Variants in THSD7B observed in about 807,000 individuals in gnomAD.
The protein encoded by THSD7B is thrombospondin type-1 domain-containing protein 7B.
A neutral mutation model predicts 213.6 loss-of-function variants in THSD7B; 138 were observed. The ratio of observed to expected loss-of-function variants is 0.65; its 90% CI spans 0.56 to 0.74. The LOEUF (loss-of-function observed/expected upper bound fraction) is 0.74. THSD7B is among the 30% of genes least tolerant of loss of function. The pLI, the probability that THSD7B is intolerant of heterozygous loss-of-function variation, is 0.00. For synonymous variants in THSD7B, 742 were observed against 687.0 expected (o/e 1.08, Z -1.25); for missense variants, 1,931 against 1,991.5 (o/e 0.97, Z 0.58).
intron 3 of THSD7B, among the ~76,000 whole-genome samples, chr2:137,077,729 T>A (rs1687660719): frequency 6.7e-6 from 1 of 150,356 alleles, no homozygotes; most frequent in Admixed American, 6.6e-5. Context: ...ATATTAGCCC[T>A]TTGTCAGATG....
At chr2:137,655,688 C>A in intron 22 of THSD7B, 28 bp downstream of exon 22, 9 of 1,600,378 alleles carry the variant, frequency 5.6e-6, no homozygotes, top group Non-Finnish European at 7.7e-6. Flanking sequence ...TTGGGAGCGC[C>A]TCCCATGGTG....
Position 137,455,369 on chromosome 2 carries a change from G to T in THSD7B, c.3138+4346G>T, listed in dbSNP as rs141724069. 7.9e-5 allele frequency among the ~76,000 whole-genome samples: 12 copies of T among 152,222 alleles called. No homozygotes were observed. In the East Asian group the frequency reaches 2.3e-3, roughly 29 times the overall value. The stretch of plus-strand genomic sequence containing the variant: ...AGATCAGAATCCCCAAATTATCATT[G>T]CCCAAAAAGTCTTTACAATTTTCCT... On this transcript the variant is annotated intron_variant, in intron 15 of 27. Coordinates refer to ENST00000409968, the MANE Select transcript of THSD7B (RefSeq NM_001316349.2).
intron 17 of THSD7B, among the ~76,000 whole-genome samples, chr2:137,579,788 T>G (rs1476934891): frequency 6.6e-6 from 1 of 152,206 alleles, no homozygotes; most frequent in African/African-American, 2.4e-5. Context: ...ATAAGTTTTC[T>G]AGCTTCTTAA....
At chr2:137,379,080 G>A (rs889474913) in intron 12 of THSD7B, among the ~76,000 whole-genome samples, 19 of 152,134 alleles carry the variant, frequency 1.2e-4, no homozygotes, top group African/African-American at 3.9e-4. Context: ...CTCAACAAAC[G>A]CCTTGGAATA....
intron 1 of THSD7B, among the ~76,000 whole-genome samples, chr2:136,845,961 G>A (rs1000283862): frequency 2.6e-5 from 4 of 152,174 alleles, no homozygotes; most frequent in Admixed American, 1.3e-4. Context: ...TGGCCATGGT[G>A]TGGATGGACT....
At chr2:137,588,662 T>A (rs1056085594) in intron 17 of THSD7B, among the ~76,000 whole-genome samples, 2 of 152,066 alleles carry the variant, frequency 1.3e-5, no homozygotes, top group Non-Finnish European at 2.9e-5. Context: ...GTATCTGTGA[T>A]TACCATCTTT....
At chr2:136,902,054 C>T (rs1684072298) in intron 2 of THSD7B, among the ~76,000 whole-genome samples, 1 of 152,088 alleles carries the variant, frequency 6.6e-6, no homozygotes, top group Non-Finnish European at 1.5e-5. Context: ...CTGGGCTGGC[C>T]CAGAAGTAGT....
At chr2:137,550,636 A>T (rs896586755) in intron 15 of THSD7B, among the ~76,000 whole-genome samples, 8 of 152,112 alleles carry the variant, frequency 5.3e-5, no homozygotes, top group African/African-American at 1.9e-4. Context: ...CCTTGAAGGG[A>T]GTCAGGAAGC....
intron 17 of THSD7B, among the ~76,000 whole-genome samples, chr2:137,573,725 A>T (rs763212783): frequency 4.6e-5 from 7 of 152,070 alleles, no homozygotes; most frequent in Non-Finnish European, 7.4e-5. Flanking sequence ...TGGTAGTATT[A>T]CTAGTTCATT....
intron 2 of THSD7B, among the ~76,000 whole-genome samples, chr2:136,983,377 A>ACACACACACACACGCT (rs1342830898): frequency 1.4e-5 from 2 of 146,302 alleles, no homozygotes; most frequent in African/African-American, 5.3e-5. Context: ...ACACGCACAC[A>ACACACACACACACGCT]CACTCACTCT....
At chr2:137,526,705 T>A (rs1680287216) in intron 15 of THSD7B, among the ~76,000 whole-genome samples, 3 of 152,186 alleles carry the variant, frequency 2.0e-5, no homozygotes, top group Non-Finnish European at 4.4e-5. Flanking sequence ...ATTACAGGCA[T>A]GAGCCACCAC....
chr2:137,166,650 A>G (rs757603126), intron 6 of THSD7B, among the ~76,000 whole-genome samples: 23 of 152,228 alleles, frequency 1.5e-4, no homozygotes, highest in Admixed American at 7.2e-4. Context: ...ACAGTCTTTT[A>G]TGCTCTTAAA....
At chr2:137,597,055 G>A (rs1458503281) in intron 17 of THSD7B, among the ~76,000 whole-genome samples, 1 of 152,060 alleles carries the variant, frequency 6.6e-6, no homozygotes, top group Non-Finnish European at 1.5e-5. Flanking sequence ...AGCATTATTA[G>A]TAGCCTAGGC....
At position 137,353,657 on chromosome 2, in the gene THSD7B, ATTCAC is replaced by A. The variant is rs553912901; in HGVS notation, c.2501-51951_2501-51947del. ...TTCTTTTAAGTGTTTTGCAGTGAGA[ATTCAC>A]TTCAATTTATTCTTTTCAATTTTCT... On this transcript the variant is annotated intron_variant, in intron 12 of 27. Coordinates refer to ENST00000409968, the MANE Select transcript of THSD7B (RefSeq NM_001316349.2). Among the ~76,000 whole-genome samples, 11 of 152,244 alleles carry A rather than the reference ATTCAC, an allele frequency of 7.2e-5. No homozygotes were observed. The South Asian group carries it at 2.3e-3, about 32-fold the overall frequency.
intron 15 of THSD7B, among the ~76,000 whole-genome samples, chr2:137,545,700 G>A (rs1287959996): frequency 6.6e-6 from 1 of 151,840 alleles, no homozygotes; most frequent in Non-Finnish European, 1.5e-5. Flanking sequence ...CTCAGATCTA[G>A]AACCCTAACT....
In THSD7B at chr2:137,642,541, C is replaced by A; in HGVS notation, c.3853C>A (p.Pro1285Thr). The part of the protein sequence containing the change: ...IIMPTQGEGR[P>T]CPTELTQEKT... ...TATGCCAACCCAAGGAGAAGGACGG[C>A]CATGCCCCACAGAGCTTACCCAGGA... Residue 1285 changes from proline to threonine, a missense_variant, in exon 21 of 28, where the codon CCA becomes ACA. By Grantham distance (38) the Pro-to-Thr change is conservative. Transcript: ENST00000409968. 6.2e-7 allele frequency: 1 copy of A among 1,613,850 alleles called. No homozygotes were observed. The highest frequency in any genetic ancestry group is 8.5e-7 in the Non-Finnish European group (1 of 1,179,840).
intron 12 of THSD7B, among the ~76,000 whole-genome samples, chr2:137,344,564 G>A (rs1197839367): frequency 6.6e-6 from 1 of 151,614 alleles, no homozygotes; most frequent in Non-Finnish European, 1.5e-5. Flanking sequence ...AGCCCCGATC[G>A]ATTTTCTCCC....
At chr2:136,768,707 T>C (rs1681452708) in intron 1 of THSD7B, among the ~76,000 whole-genome samples, 1 of 152,188 alleles carries the variant, frequency 6.6e-6, no homozygotes, top group Non-Finnish European at 1.5e-5. Flanking sequence ...AACTATTGGG[T>C]ATTGTATTAT....
intron 2 of THSD7B, among the ~76,000 whole-genome samples, chr2:136,888,961 G>T (rs1293741567): frequency 6.6e-6 from 1 of 151,914 alleles, no homozygotes; most frequent in Admixed American, 6.6e-5. Flanking sequence ...GTGTGTGTGT[G>T]TGTGTGTGCT....
Sources: gnomAD v4.1 joint callset for allele counts (sites outside exome capture counted in the v4.1 genomes callset) on GRCh38, gnomAD v4.1.1 for gene constraint, MANE v1.5 for transcripts, NCBI Gene and HGNC (gene_info 2026-07-23, HGNC 2026-07-21) for gene names.